The following GTF2E1 variants were observed in gnomAD, a reference collection of about 807,000 sequenced individuals.
The protein encoded by GTF2E1 is general transcription factor IIE subunit 1.
GTF2E1 carries 14 observed loss-of-function variants against 34.9 expected under a neutral mutation model. The observed-to-expected ratio is 0.40, with a 90% confidence interval of 0.27 to 0.63. The LOEUF is 0.63. Among genes scored for constraint, GTF2E1 ranks in the 20% least tolerant of loss-of-function variants. The probability of loss-of-function intolerance (pLI) is 0.39; values close to 1 mark genes in which losing one functional copy is unlikely to be tolerated. For missense variants in GTF2E1, 469 were observed against 557.7 expected, an observed-to-expected ratio of 0.84 and a Z score of 1.60; for synonymous variants, 188 against 192.9, an observed-to-expected ratio of 0.97 and a Z score of 0.21.
intron 2 of GTF2E1, among the ~76,000 whole-genome samples, chr3:120,767,599 T>G (rs1709320322): frequency 6.6e-6 from 1 of 152,182 alleles, no homozygotes; most frequent in Non-Finnish European, 1.5e-5. Flanking sequence ...TACTGCTATT[T>G]CCTTGAGTAG....
At chr3:120,745,936 T>G (rs1709101213) in intron 1 of GTF2E1, among the ~76,000 whole-genome samples, 1 of 152,170 alleles carries the variant, frequency 6.6e-6, no homozygotes, top group African/African-American at 2.4e-5. Context: ...AGTTCACAGA[T>G]TTGGATCTAG....
intron 1 of GTF2E1, among the ~76,000 whole-genome samples, chr3:120,748,693 C>G (rs1709132404): frequency 6.6e-6 from 1 of 152,330 alleles, no homozygotes; most frequent in Middle Eastern, 3.4e-3. Context: ...GTGATGCCTC[C>G]AGCTTTGTCC....
chr3:120,761,881 C>T (rs1407153323), intron 2 of GTF2E1, among the ~76,000 whole-genome samples: 3 of 151,026 alleles, frequency 2.0e-5, no homozygotes, highest in African/African-American at 7.3e-5. Context: ...AACTCTGCCT[C>T]CCGGGTTCAT....
At chr3:120,751,129 G>A in intron 2 of GTF2E1, 129 bp downstream of exon 2, 2 of 631,404 alleles carry the variant, frequency 3.2e-6, no homozygotes, top group East Asian at 5.5e-5. Flanking sequence ...GTAAATCACA[G>A]CATACAGTCA....
In GTF2E1 at chr3:120,747,129, G is replaced by A. The variant is rs371791020; in HGVS notation, c.-30-3394G>A. 8.0e-4 allele frequency among the ~76,000 whole-genome samples: 121 copies of A among 151,808 alleles called. 1 individual carries two copies. Among genetic ancestry groups the A allele is most frequent in the African/African-American group, 2.8e-3 (117 of 41,422 alleles). On this transcript the variant is annotated intron_variant, in intron 1 of 4. Transcript: ENST00000283875. Reference sequence around the variant, plus strand: ...TTGTTTTGTTTTTTTTTGAGACTGAGTTTCGCTCTTGTTGCCCAGGCTGGA... The same window carrying A: ...TTGTTTTGTTTTTTTTTGAGACTGAATTTCGCTCTTGTTGCCCAGGCTGGA...
intron 2 of GTF2E1, among the ~76,000 whole-genome samples, chr3:120,752,822 T>C (rs1213026537): frequency 6.6e-6 from 1 of 152,188 alleles, no homozygotes; most frequent in East Asian, 1.9e-4. Flanking sequence ...ATGGTCAGCA[T>C]GAAGATGAAA....
In GTF2E1 at chr3:120,744,927, CT is replaced by C. The variant is rs35806612; in HGVS notation, c.-31+2146del. Among the ~76,000 whole-genome samples, 277 of 146,140 alleles carry C rather than the reference CT, an allele frequency of 1.9e-3. 1 individual carries two copies. The highest frequency in any genetic ancestry group is 3.8e-3 in the African/African-American group (151 of 40,012). On this transcript the variant is annotated intron_variant, in intron 1 of 4. Coordinates refer to ENST00000283875, the MANE Select transcript of GTF2E1 (RefSeq NM_005513.3). ...TGTGTGAGCAGGGCACCATTAATCA[CT>C]TTTTTTTTTTTTGAGGGTCCTGTCC...
intron 2 of GTF2E1, among the ~76,000 whole-genome samples, chr3:120,759,778 G>C (rs569406394): frequency 1.3e-5 from 2 of 152,312 alleles, no homozygotes; most frequent in South Asian, 4.1e-4. Context: ...TGAGGCCTCT[G>C]TTCTGTTCCA....
At chr3:120,755,697 A>G (rs1576357396) in intron 2 of GTF2E1, among the ~76,000 whole-genome samples, 1 of 152,160 alleles carries the variant, frequency 6.6e-6, no homozygotes, top group Non-Finnish European at 1.5e-5. Flanking sequence ...CTGTTGTGCT[A>G]TCAAATAGTA....
chr3:120,754,965 G>A (rs1189309726), intron 2 of GTF2E1, among the ~76,000 whole-genome samples: 1 of 152,104 alleles, frequency 6.6e-6, no homozygotes. Flanking sequence ...AAATCTAGGG[G>A]TATATACATT....
At chr3:120,752,796 T>C (rs945890607) in intron 2 of GTF2E1, among the ~76,000 whole-genome samples, 1 of 152,198 alleles carries the variant, frequency 6.6e-6, no homozygotes, top group African/African-American at 2.4e-5. Context: ...CAAAGACTAT[T>C]TTTAATGTGA....
chr3:120,744,604 C>G (rs755564437), intron 1 of GTF2E1, among the ~76,000 whole-genome samples: 6 of 152,156 alleles, frequency 3.9e-5, no homozygotes, highest in Admixed American at 3.9e-4. Context: ...TTTTCCTACT[C>G]TCATATTCTG....
At chr3:120,745,891 G>A (rs935748320) in intron 1 of GTF2E1, among the ~76,000 whole-genome samples, 1 of 152,148 alleles carries the variant, frequency 6.6e-6, no homozygotes, top group African/African-American at 2.4e-5. Context: ...TACTTCCCAG[G>A]CATCCTTAAG....
At chr3:120,776,727 G>A (rs1001821232) in intron 4 of GTF2E1, 63 bp downstream of exon 4, 4 of 1,448,004 alleles carry the variant, frequency 2.8e-6, no homozygotes, top group African/African-American at 1.4e-5. Context: ...ACTTGGCTTA[G>A]TGGGAAACTG....
chr3:120,760,395 A>G (rs572482200), intron 2 of GTF2E1, among the ~76,000 whole-genome samples: 3 of 152,148 alleles, frequency 2.0e-5, no homozygotes, highest in South Asian at 2.1e-4. Context: ...TTGACTTCCT[A>G]TTTTCCTAAT....
intron 3 of GTF2E1, among the ~76,000 whole-genome samples, chr3:120,775,312 C>T (rs1217498984): frequency 6.6e-6 from 1 of 151,730 alleles, no homozygotes; most frequent in Non-Finnish European, 1.5e-5. Flanking sequence ...GAAAAACGGA[C>T]GAAAAATAAA....
chr3:120,746,350 G>T (rs1055561014), intron 1 of GTF2E1, among the ~76,000 whole-genome samples: 6 of 151,984 alleles, frequency 3.9e-5, no homozygotes, highest in African/African-American at 1.5e-4. Context: ...TTAGACAGGC[G>T]TGGTGGTGCA....
intron 2 of GTF2E1, 115 bp downstream of exon 2, chr3:120,751,115 C>A (rs961235826): frequency 6.0e-6 from 4 of 663,696 alleles, no homozygotes; most frequent in African/African-American, 5.5e-5. Context: ...GTGAATGGAT[C>A]AGTGTAAATC....
chr3:120,770,952 T>A lies in GTF2E1; in HGVS notation c.650+23T>A, dbSNP rs747889174. 15 of 1,589,758 alleles carry A rather than the reference T, an allele frequency of 9.4e-6. No individual in the cohort carries two copies. The South Asian group carries it at 1.2e-4, about 13-fold the overall frequency. On this transcript the variant is annotated intron_variant, in intron 3 of 4. Transcript: ENST00000283875. ...GAGGTGAGTGTAGGCCCTGTGCTCTTACTAAGAACACATTTCAACCTGTTC... is the reference window on the plus strand; with the variant it reads ...GAGGTGAGTGTAGGCCCTGTGCTCTAACTAAGAACACATTTCAACCTGTTC...
Sources: gnomAD v4.1 joint callset for allele counts (sites outside exome capture counted in the v4.1 genomes callset) on GRCh38, gnomAD v4.1.1 for gene constraint, MANE v1.5 for transcripts, NCBI Gene and HGNC (gene_info 2026-07-23, HGNC 2026-07-21) for gene names.